ACOXL: variants seen among roughly 807,000 people sequenced by gnomAD.
ACOXL encodes acyl-coenzyme A oxidase-like protein.
In ACOXL, 70 loss-of-function variants were observed where a neutral mutation model predicts 71.9. The observed-to-expected ratio is 0.97, with a 90% confidence interval of 0.80 to 1.19. ACOXL has a LOEUF of 1.19. Ranked by LOEUF, ACOXL falls within the 50% of genes most tolerant of loss-of-function variation. ACOXL has a pLI of 0.00. For synonymous variants in ACOXL, 253 were observed against 281.6 expected (o/e 0.90, Z 1.02); for missense variants, 703 against 736.3 (o/e 0.95, Z 0.52).
intron 12 of ACOXL, among the ~76,000 whole-genome samples, chr2:110,972,097 G>A (rs2062216037): frequency 6.6e-6 from 1 of 152,134 alleles, no homozygotes; most frequent in African/African-American, 2.4e-5. Context: ...GGGACTCCTT[G>A]TTGTTTATCA....
chr2:111,093,615 A>ATAGT, intron 17 of ACOXL: 1 of 1,468,102 alleles, frequency 6.8e-7, no homozygotes, highest in Non-Finnish European at 9.4e-7. Context: ...CTGTAATCCC[A>ATAGT]GCACTATGGG....
chr2:110,745,217 C>T (rs1288648849), intron 1 of ACOXL, among the ~76,000 whole-genome samples: 1 of 152,214 alleles, frequency 6.6e-6, no homozygotes, highest in Non-Finnish European at 1.5e-5. Context: ...CTGCTCTCTT[C>T]CTGTCCAGAC....
At chr2:110,979,001 G>A (rs1043022888) in intron 12 of ACOXL, among the ~76,000 whole-genome samples, 1 of 152,148 alleles carries the variant, frequency 6.6e-6, no homozygotes, top group African/African-American at 2.4e-5. Flanking sequence ...ACATGCACAT[G>A]AGGAGGCTTG....
rs150232565 is a variant in ACOXL at position 110,829,914 on chromosome 2, T to C, written c.754-11457T>C. ...AGAGATTGCTTCCTTGTTCTTTCAC[T>C]GCTTTCTTGAGCCCTACTTTTGAGT... On this transcript the variant is annotated intron_variant, in intron 9 of 17. Coordinates refer to ENST00000439055, the MANE Select transcript of ACOXL (RefSeq NM_001142807.4). Among the ~76,000 whole-genome samples, 574 of 152,368 alleles carry C rather than the reference T, an allele frequency of 3.8e-3. 17 individuals are homozygous for C. In the South Asian group the frequency reaches 0.068, roughly 18 times the overall value.
intron 12 of ACOXL, among the ~76,000 whole-genome samples, chr2:110,959,422 C>T (rs2061617546): frequency 6.6e-6 from 1 of 152,192 alleles, no homozygotes. Context: ...GGCACCGGCT[C>T]AAAGTCCCTT....
At chr2:110,838,200 C>G (rs1273420701) in intron 9 of ACOXL, among the ~76,000 whole-genome samples, 1 of 152,210 alleles carries the variant, frequency 6.6e-6, no homozygotes, top group Admixed American at 6.5e-5. Flanking sequence ...TGAATAAACA[C>G]ATGCACACAA....
chr2:110,805,576 TAAG>T (rs1686536897), intron 9 of ACOXL, among the ~76,000 whole-genome samples, 181 bp downstream of exon 9: 1 of 152,024 alleles, frequency 6.6e-6, no homozygotes, highest in African/African-American at 2.4e-5. Context: ...CCACCCTTCT[TAAG>T]AGGGGCTCCC....
At chr2:110,756,392 G>T (rs867425494) in intron 1 of ACOXL, among the ~76,000 whole-genome samples, 1 of 152,208 alleles carries the variant, frequency 6.6e-6, no homozygotes, top group Non-Finnish European at 1.5e-5. Context: ...GCCTCCCAAA[G>T]TGTTGGGATT....
At chr2:110,883,155 G>GC (rs1284805615) in intron 10 of ACOXL, among the ~76,000 whole-genome samples, 1 of 136,118 alleles carries the variant, frequency 7.3e-6, no homozygotes, top group Non-Finnish European at 1.5e-5. Context: ...TGTTGCCCAG[G>GC]CTGGAGTACA....
intron 17 of ACOXL, among the ~76,000 whole-genome samples, chr2:111,110,941 T>G (rs2069902569): frequency 6.6e-6 from 1 of 152,208 alleles, no homozygotes; most frequent in Non-Finnish European, 1.5e-5. Context: ...CCATAATAAC[T>G]TTGGACTCTT....
intron 14 of ACOXL, among the ~76,000 whole-genome samples, chr2:111,027,380 G>T (rs1558885044): frequency 6.6e-6 from 1 of 151,240 alleles, no homozygotes; most frequent in Non-Finnish European, 1.5e-5. Context: ...GGAGTGCAGT[G>T]CCATGATCTC....
chr2:110,995,678 C>A (rs2063363225), intron 13 of ACOXL, among the ~76,000 whole-genome samples: 1 of 151,690 alleles, frequency 6.6e-6, no homozygotes, highest in South Asian at 2.1e-4. Flanking sequence ...CATCTCTATA[C>A]CACAAGGACA....
intron 10 of ACOXL, among the ~76,000 whole-genome samples, chr2:110,869,970 A>G (rs1695068773): frequency 6.6e-6 from 1 of 152,272 alleles, no homozygotes; most frequent in Non-Finnish European, 1.5e-5. Flanking sequence ...GTGGCTTGTA[A>G]TGGATTCACC....
intron 3 of ACOXL, among the ~76,000 whole-genome samples, chr2:110,787,080 G>C (rs561185515): frequency 6.6e-6 from 1 of 151,970 alleles, no homozygotes; most frequent in African/African-American, 2.4e-5. Flanking sequence ...TAGGGGTGGC[G>C]GGGGGAGGGA....
At chr2:110,995,319 G>T (rs541827434) in intron 13 of ACOXL, among the ~76,000 whole-genome samples, 1 of 150,796 alleles carries the variant, frequency 6.6e-6, no homozygotes, top group South Asian at 2.1e-4. Context: ...GGCCAATATG[G>T]TGAAACCCTG....
intron 17 of ACOXL, chr2:111,099,280 T>A (rs921794471): frequency 6.6e-6 from 1 of 152,228 alleles, no homozygotes; most frequent in African/African-American, 2.4e-5. Context: ...TCCCCCACAG[T>A]CCTTCAAATC....
At chr2:111,055,170 CT>C (rs1409684478) in intron 16 of ACOXL, among the ~76,000 whole-genome samples, 2 of 152,142 alleles carry the variant, frequency 1.3e-5, no homozygotes, top group African/African-American at 4.8e-5. Context: ...AGGCAGGTGC[CT>C]TTGTCTGCCT....
At chr2:111,053,327 C>T (rs993918327) in intron 16 of ACOXL, among the ~76,000 whole-genome samples, 5 of 152,194 alleles carry the variant, frequency 3.3e-5, no homozygotes, top group Non-Finnish European at 5.9e-5. Flanking sequence ...AACTCCTTCT[C>T]ATCTTTGGAA....
intron 17 of ACOXL, among the ~76,000 whole-genome samples, chr2:111,109,412 A>G (rs1314578747): frequency 6.6e-6 from 1 of 151,842 alleles, no homozygotes; most frequent in African/African-American, 2.4e-5. Flanking sequence ...TGGATTGCCA[A>G]TATATTCCCA....
Sources: allele counts gnomAD v4.1 joint callset (sites outside exome capture counted in the v4.1 genomes callset), GRCh38; gene constraint gnomAD v4.1.1; transcripts MANE v1.5; gene names NCBI Gene and HGNC (gene_info 2026-07-23, HGNC 2026-07-21).